Variants in TEX26 observed in about 807,000 individuals in gnomAD.
The protein encoded by TEX26 is testis expressed 26.
TEX26 carries 34 observed loss-of-function variants against 35.3 expected under a neutral mutation model. The ratio of observed to expected loss-of-function variants is 0.96; its 90% CI spans 0.73 to 1.28. TEX26 has a LOEUF of 1.28. Among genes scored for constraint, TEX26 ranks in the 50% most tolerant of loss-of-function variants. TEX26 has a pLI of 0.00. For synonymous variants in TEX26, 136 were observed against 111.8 expected (o/e 1.22, Z -1.36); for missense variants, 371 against 330.1 (o/e 1.12, Z -0.96).
intron 3 of TEX26, among the ~76,000 whole-genome samples, chr13:30,955,709 A>G (rs1593578087): frequency 1.3e-5 from 2 of 152,336 alleles, no homozygotes; most frequent in East Asian, 3.9e-4. Flanking sequence ...GCAGAGAGGA[A>G]GAGATTCAAG....
chr13:30,938,312 A>T lies in TEX26; in HGVS notation c.62-1382A>T, dbSNP rs1354724046. On this transcript the variant is annotated intron_variant, in intron 1 of 6. Coordinates refer to ENST00000380473, the MANE Select transcript of TEX26 (RefSeq NM_152325.3). Reference sequence around the variant, plus strand: ...GTTGTTGCTGGTATCTACCTGTCTTAGTCCATTTTCTGTTGTTGTTGTAAC... The same window carrying T: ...GTTGTTGCTGGTATCTACCTGTCTTTGTCCATTTTCTGTTGTTGTTGTAAC... 1.3e-5 allele frequency among the ~76,000 whole-genome samples: 2 copies of T among 152,220 alleles called. 1 individual carries two copies. Among genetic ancestry groups the T allele is most frequent in the Admixed American group, 1.3e-4 (2 of 15,280 alleles).
At chr13:30,942,902 T>C (rs1476009089) in intron 2 of TEX26, among the ~76,000 whole-genome samples, 1 of 152,208 alleles carries the variant, frequency 6.6e-6, no homozygotes, top group East Asian at 1.9e-4. Context: ...CCTTGTAGTA[T>C]AATTTAAAGT....
rs776688539 is a variant in TEX26, at chr13:30,952,650, T to A, written c.147-10T>A. On this transcript the variant is annotated splice_polypyrimidine_tract_variant and intron_variant, in intron 2 of 6. Coordinates refer to ENST00000380473, the MANE Select transcript of TEX26 (RefSeq NM_152325.3). ...CCTCTAACTCTAATTTCTGCTGGGTTTTTTTATAGCCAAAACGGTATCAGA... is the reference window on the plus strand; with the variant it reads ...CCTCTAACTCTAATTTCTGCTGGGTATTTTTATAGCCAAAACGGTATCAGA... 2.6e-6 allele frequency: 4 copies of A among 1,562,852 alleles called. No homozygotes were observed. The highest frequency in any genetic ancestry group is 3.4e-6 in the Non-Finnish European group (4 of 1,160,816).
chr13:30,952,653 T>C lies in TEX26; in HGVS notation c.147-7T>C. On this transcript the variant is annotated splice_polypyrimidine_tract_variant and splice_region_variant and intron_variant, in intron 2 of 6. Coordinates refer to ENST00000380473, the MANE Select transcript of TEX26 (RefSeq NM_152325.3). The stretch of plus-strand genomic sequence containing the variant: ...CTAACTCTAATTTCTGCTGGGTTTT[T>C]TTATAGCCAAAACGGTATCAGAAGA... The C allele has an allele frequency of 6.4e-7, 1 of 1,564,066 alleles. No individual in the cohort carries two copies. Among genetic ancestry groups the C allele is most frequent in the Middle Eastern group, 1.8e-4 (1 of 5,540 alleles).
At chr13:30,959,506 G>C (rs1449471051) in intron 4 of TEX26, among the ~76,000 whole-genome samples, 2 of 152,142 alleles carry the variant, frequency 1.3e-5, no homozygotes, top group Non-Finnish European at 2.9e-5. Context: ...AATTGCTAGT[G>C]TATATATTAT....
chr13:30,932,934 A>G, intron 1 of TEX26, 158 bp downstream of exon 1: 1 of 742,248 alleles, frequency 1.3e-6, no homozygotes, highest in Non-Finnish European at 2.1e-6. Flanking sequence ...GGAGAATGAC[A>G]GGGCCTTCAT....
intron 6 of TEX26, among the ~76,000 whole-genome samples, chr13:30,971,962 A>T (rs546711769): frequency 6.6e-6 from 1 of 152,380 alleles, no homozygotes; most frequent in East Asian, 1.9e-4. Flanking sequence ...CCTGTGATTC[A>T]ATATTAAGAA....
chr13:30,966,047 A>G (rs1954514101), intron 4 of TEX26, among the ~76,000 whole-genome samples, 175 bp from the exon 5 acceptor site: 1 of 152,182 alleles, frequency 6.6e-6, no homozygotes, highest in African/African-American at 2.4e-5. Flanking sequence ...TTCACTAGAG[A>G]CCACTTCTGA....
At chr13:30,971,012 A>T (rs981622226) in intron 6 of TEX26, among the ~76,000 whole-genome samples, 3 of 152,244 alleles carry the variant, frequency 2.0e-5, no homozygotes, top group Middle Eastern at 3.2e-3. Flanking sequence ...CACCAGGGGC[A>T]GGTGCCTGAA....
At chr13:30,948,892 T>C (rs1426418096) in intron 2 of TEX26, among the ~76,000 whole-genome samples, 1 of 152,252 alleles carries the variant, frequency 6.6e-6, no homozygotes, top group East Asian at 1.9e-4. Context: ...TGTAAGTCTT[T>C]AATCCATCTT....
intron 6 of TEX26, among the ~76,000 whole-genome samples, chr13:30,973,848 T>G (rs564361651): frequency 2.0e-4 from 31 of 152,226 alleles, no homozygotes; most frequent in African/African-American, 6.3e-4. Flanking sequence ...TCTGTACTAT[T>G]AAAGATATAC....
chr13:30,962,395 C>A (rs1954378974), intron 4 of TEX26, among the ~76,000 whole-genome samples: 1 of 152,198 alleles, frequency 6.6e-6, no homozygotes, highest in Non-Finnish European at 1.5e-5. Context: ...TGCCTCGTGG[C>A]CTTGTGCTGG....
At chr13:30,936,309 T>A (rs1471000715) in intron 1 of TEX26, among the ~76,000 whole-genome samples, 1 of 152,248 alleles carries the variant, frequency 6.6e-6, no homozygotes, top group Admixed American at 6.5e-5. Context: ...GTTAGCAGAA[T>A]GAGGCTTTAG....
At chr13:30,940,171 T>C (rs760581546) in intron 2 of TEX26, among the ~76,000 whole-genome samples, 12 of 152,130 alleles carry the variant, frequency 7.9e-5, no homozygotes, top group Non-Finnish European at 1.5e-4. Context: ...CTTGTTATCA[T>C]AGCATCACCA....
At chr13:30,943,611 G>T (rs1953594973) in intron 2 of TEX26, among the ~76,000 whole-genome samples, 1 of 151,838 alleles carries the variant, frequency 6.6e-6, no homozygotes. Context: ...TGTCATAGAT[G>T]GCTCTAATTT....
In TEX26 at chr13:30,952,716, A is replaced by G. The variant is rs773385855; in HGVS notation, c.203A>G (p.Asn68Ser). 1.9e-6 allele frequency: 3 copies of G among 1,612,262 alleles called. No individual in the cohort carries two copies. Among genetic ancestry groups the G allele is most frequent in the East Asian group, 2.2e-5 (1 of 44,714 alleles). ...TATTCACTTAGTGATCCTATTCTCA[A>G]TCAGACACAATATAGTGATGAGTAC... Reference protein sequence around the residue: ...YTYSLSDPILNQTQYSDEYTW... With the variant: ...YTYSLSDPILSQTQYSDEYTW... Residue 68 changes from asparagine to serine, a missense_variant, in exon 3 of 7, where the codon AAT becomes AGT. Transcript: ENST00000380473.
intron 2 of TEX26, among the ~76,000 whole-genome samples, chr13:30,947,170 T>A (rs1953741653): frequency 6.6e-6 from 1 of 152,166 alleles, no homozygotes; most frequent in African/African-American, 2.4e-5. Context: ...ACATTATAAA[T>A]GTTCATAATT....
intron 1 of TEX26, among the ~76,000 whole-genome samples, chr13:30,936,506 A>G (rs973933895): frequency 2.6e-5 from 4 of 152,232 alleles, no homozygotes; most frequent in Non-Finnish European, 5.9e-5. Flanking sequence ...CACCTATGCT[A>G]TGATGACCCC....
Position 30,932,743 on chromosome 13 carries a change from G to C in TEX26, c.28G>C (p.Asp10His). Residue 10 changes from aspartate (D) to histidine (H), a missense_variant, in exon 1 of 7, where the codon GAT becomes CAT. Coordinates refer to ENST00000380473, the MANE Select transcript of TEX26 (RefSeq NM_152325.3). MEQPGPRAPDPSLCHHNLQP... is the reference protein window; with the variant it reads MEQPGPRAPHPSLCHHNLQP... ...GGAACAGCCTGGGCCCAGGGCTCCGGATCCCTCTCTCTGCCACCACAACCT... is the reference window on the plus strand; with the variant it reads ...GGAACAGCCTGGGCCCAGGGCTCCGCATCCCTCTCTCTGCCACCACAACCT... 1 of 1,613,860 alleles carries C rather than the reference G, an allele frequency of 6.2e-7. No homozygotes were observed. Among genetic ancestry groups the C allele is most frequent in the Non-Finnish European group, 8.5e-7 (1 of 1,180,010 alleles).
Sources: gnomAD v4.1 joint callset for allele counts (sites outside exome capture counted in the v4.1 genomes callset) on GRCh38, gnomAD v4.1.1 for gene constraint, MANE v1.5 for transcripts, NCBI Gene and HGNC (gene_info 2026-07-23, HGNC 2026-07-21) for gene names.